The following AGBL4 variants were observed in gnomAD, a reference collection of about 807,000 sequenced individuals.
The protein encoded by AGBL4 is AGBL carboxypeptidase 4.
Under a neutral mutation model 66.4 loss-of-function variants are expected in AGBL4, and 58 were observed. The ratio of observed to expected loss-of-function variants is 0.87; its 90% CI spans 0.71 to 1.09. The LOEUF (loss-of-function observed/expected upper bound fraction) is 1.09. Ranked by LOEUF, AGBL4 falls within the 50% of genes least tolerant of loss-of-function variation. The pLI is 0.00. For synonymous variants in AGBL4, 234 were observed against 222.9 expected, an observed-to-expected ratio of 1.05 and a Z score of -0.44; for missense variants, 579 against 631.0, an observed-to-expected ratio of 0.92 and a Z score of 0.88.
intron 6 of AGBL4, among the ~76,000 whole-genome samples, chr1:48,813,047 A>G (rs1025691496): frequency 6.6e-6 from 1 of 152,112 alleles, no homozygotes; most frequent in Non-Finnish European, 1.5e-5. Flanking sequence ...CCAACATGGC[A>G]CATGTATACA....
chr1:49,315,710 C>T (rs1401236063), intron 3 of AGBL4, among the ~76,000 whole-genome samples: 3 of 151,944 alleles, frequency 2.0e-5, no homozygotes, highest in Non-Finnish European at 4.4e-5. Flanking sequence ...GGCAGTTTCT[C>T]ACAAAATTAA....
chr1:49,905,800 C>T (rs1457767745), intron 1 of AGBL4, among the ~76,000 whole-genome samples: 1 of 151,880 alleles, frequency 6.6e-6, no homozygotes, highest in Admixed American at 6.6e-5. Context: ...TAAGCATACC[C>T]TCAAAAATAT....
intron 3 of AGBL4, among the ~76,000 whole-genome samples, chr1:49,454,306 G>A (rs1369940684): frequency 6.6e-6 from 1 of 151,724 alleles, no homozygotes; most frequent in Non-Finnish European, 1.5e-5. Flanking sequence ...CAAGTTTACT[G>A]AATGAAGTTA....
At chr1:48,823,817 A>T (rs1192432594) in intron 6 of AGBL4, among the ~76,000 whole-genome samples, 1 of 152,224 alleles carries the variant, frequency 6.6e-6, no homozygotes. Flanking sequence ...GAACAAATGA[A>T]TGTTGATATC....
At chr1:49,567,161 T>C (rs1405483704) in intron 3 of AGBL4, among the ~76,000 whole-genome samples, 1 of 152,214 alleles carries the variant, frequency 6.6e-6, no homozygotes, top group Non-Finnish European at 1.5e-5. Flanking sequence ...AGTGCAGTAT[T>C]AGGGTGGGAG....
chr1:49,291,467 AT>A (rs1310569254), intron 3 of AGBL4, among the ~76,000 whole-genome samples: 1 of 152,238 alleles, frequency 6.6e-6, no homozygotes, highest in Non-Finnish European at 1.5e-5. Flanking sequence ...TGGTATAACA[AT>A]ATTATACATC....
At chr1:49,476,279 T>C (rs1285407738) in intron 3 of AGBL4, among the ~76,000 whole-genome samples, 1 of 152,068 alleles carries the variant, frequency 6.6e-6, no homozygotes, top group Non-Finnish European at 1.5e-5. Flanking sequence ...GTATGCTTAG[T>C]ATAATTTCAA....
chr1:49,870,670 C>G (rs968893698), intron 1 of AGBL4, among the ~76,000 whole-genome samples: 3 of 151,120 alleles, frequency 2.0e-5, no homozygotes, highest in African/African-American at 7.3e-5. Context: ...CAAAAAAAGG[C>G]AAAAGATTTG....
intron 2 of AGBL4, among the ~76,000 whole-genome samples, chr1:49,705,505 C>A (rs916352304): frequency 2.6e-5 from 4 of 152,142 alleles, no homozygotes; most frequent in Non-Finnish European, 4.4e-5. Flanking sequence ...TTGACTTCCT[C>A]TCTTCCTATT....
Position 49,934,456 on chromosome 1 carries a change from C to A in AGBL4, c.35-82938G>T, listed in dbSNP as rs369109223. Among the ~76,000 whole-genome samples, 398 of 152,208 alleles carry A rather than the reference C, an allele frequency of 2.6e-3. 2 individuals are homozygous for A. Among genetic ancestry groups the A allele is most frequent in the South Asian group, 0.018 (87 of 4,824 alleles). On this transcript the variant is annotated intron_variant, in intron 1 of 13. Coordinates refer to ENST00000371839, the MANE Select transcript of AGBL4 (RefSeq NM_032785.4). The stretch of plus-strand genomic sequence containing the variant: ...TCACATCAGGTGTCTTTTACAACCA[C>A]AACTATATACCACAACTGGTATAAA...
At chr1:49,958,443 C>T (rs1656821305) in intron 1 of AGBL4, among the ~76,000 whole-genome samples, 2 of 151,866 alleles carry the variant, frequency 1.3e-5, no homozygotes, top group Non-Finnish European at 2.9e-5. Context: ...TGGAACCAAC[C>T]CAAATGTCCA....
intron 9 of AGBL4, among the ~76,000 whole-genome samples, chr1:48,627,497 CTGTT>C (rs1557838273): frequency 1.3e-5 from 2 of 151,122 alleles, no homozygotes; most frequent in African/African-American, 4.9e-5. Flanking sequence ...ACCAGCTGCT[CTGTT>C]TGTCAAGTAA....
At chr1:48,939,298 A>T (rs948044706) in intron 5 of AGBL4, among the ~76,000 whole-genome samples, 1 of 152,246 alleles carries the variant, frequency 6.6e-6, no homozygotes, top group Non-Finnish European at 1.5e-5. Flanking sequence ...CATAACGTGT[A>T]GACAGGTCTG....
chr1:49,038,504 T>C (rs1245772393), intron 5 of AGBL4, among the ~76,000 whole-genome samples: 5 of 151,818 alleles, frequency 3.3e-5, no homozygotes. Flanking sequence ...AACTCAACAA[T>C]AAGAAAACAA....
chr1:49,171,452 G>T lies in AGBL4; in HGVS notation c.377+74318C>A, dbSNP rs369672817. Among the ~76,000 whole-genome samples the T allele has an allele frequency of 3.3e-4, 50 of 152,182 alleles. 1 individual carries two copies. The South Asian group carries it at 9.5e-3, about 29-fold the overall frequency. On this transcript the variant is annotated intron_variant, in intron 4 of 13. Coordinates refer to ENST00000371839, the MANE Select transcript of AGBL4 (RefSeq NM_032785.4). ...AACCAAAACACTTCAGTTCCAAATG[G>T]GTTTAGAGTAGAAACAGATTAACAT...
chr1:48,730,881 G>A (rs141857682), intron 6 of AGBL4, among the ~76,000 whole-genome samples: 82 of 152,250 alleles, frequency 5.4e-4, no homozygotes, highest in Non-Finnish European at 1.0e-3. Flanking sequence ...TCCACAAAAG[G>A]TCATTTGACC....
chr1:49,516,658 T>C (rs1003685391), intron 3 of AGBL4, among the ~76,000 whole-genome samples: 1 of 151,974 alleles, frequency 6.6e-6, no homozygotes, highest in Non-Finnish European at 1.5e-5. Context: ...CAGGAGAGGA[T>C]ATGTGATTAG....
At chr1:48,806,108 G>A (rs1035288632) in intron 6 of AGBL4, among the ~76,000 whole-genome samples, 1 of 152,068 alleles carries the variant, frequency 6.6e-6, no homozygotes, top group Admixed American at 6.6e-5. Flanking sequence ...CAGCAAGGAT[G>A]GAAAGGTATG....
At chr1:48,742,686 A>G (rs1189076626) in intron 6 of AGBL4, 5 of 1,611,586 alleles carry the variant, frequency 3.1e-6, no homozygotes, top group Admixed American at 3.4e-5. Flanking sequence ...AGGACGACGT[A>G]TTTGCTTCCT....
Sources: gnomAD v4.1 joint callset for allele counts (sites outside exome capture counted in the v4.1 genomes callset) on GRCh38, gnomAD v4.1.1 for gene constraint, MANE v1.5 for transcripts, NCBI Gene and HGNC (gene_info 2026-07-23, HGNC 2026-07-21) for gene names.